HTR1F: variants seen among roughly 807,000 people sequenced by gnomAD.
The protein encoded by HTR1F is 5-hydroxytryptamine receptor 1F.
HTR1F carries 17 observed loss-of-function variants against 24.0 expected under a neutral mutation model. The ratio of observed to expected loss-of-function variants is 0.71; its 90% CI spans 0.48 to 1.06. The LOEUF is 1.06. Ranked by LOEUF, HTR1F falls within the 50% of genes least tolerant of loss-of-function variation. The pLI is 0.00. For synonymous variants in HTR1F, 186 were observed against 156.8 expected (o/e 1.19, Z -1.39); for missense variants, 391 against 427.8 (o/e 0.91, Z 0.76).
chr3:87,831,330 AATTATTATTATTATTATTATT>A (rs58022545), intron 2 of HTR1F, among the ~76,000 whole-genome samples: 17 of 142,406 alleles, frequency 1.2e-4, no homozygotes, highest in South Asian at 6.8e-4. Flanking sequence ...GATATTAAGA[AATTATTATTATTATTATTATT>A]ATTATTATTA....
chr3:87,976,664 CCT>C (rs985269143), intron 2 of HTR1F, among the ~76,000 whole-genome samples: 2 of 152,046 alleles, frequency 1.3e-5, no homozygotes, highest in African/African-American at 4.8e-5. Context: ...TATTGTCACC[CCT>C]GATTTTGAGA....
At chr3:87,962,322 CAG>C (rs1451403681) in intron 2 of HTR1F, among the ~76,000 whole-genome samples, 1 of 152,010 alleles carries the variant, frequency 6.6e-6, no homozygotes, top group East Asian at 1.9e-4. Context: ...TAAAGATTGA[CAG>C]TGTGAAAAAT....
intron 2 of HTR1F, among the ~76,000 whole-genome samples, chr3:87,931,733 T>C (rs1334762266): frequency 6.6e-6 from 1 of 151,870 alleles, no homozygotes; most frequent in African/African-American, 2.4e-5. Flanking sequence ...TTTTAATGAT[T>C]GGCATTCTAA....
chr3:87,881,695 A>C (rs1705805692), intron 2 of HTR1F, among the ~76,000 whole-genome samples: 2 of 152,234 alleles, frequency 1.3e-5, no homozygotes, highest in Admixed American at 1.3e-4. Flanking sequence ...CTTACACCTT[A>C]TACAAAAATC....
At chr3:87,804,071 T>C (rs1359925490) in intron 1 of HTR1F, among the ~76,000 whole-genome samples, 1 of 152,190 alleles carries the variant, frequency 6.6e-6, no homozygotes, top group African/African-American at 2.4e-5. Context: ...TATCCTCCTT[T>C]GATTTCATTT....
At chr3:87,925,949 T>C (rs186166848) in intron 2 of HTR1F, among the ~76,000 whole-genome samples, 10 of 152,302 alleles carry the variant, frequency 6.6e-5, no homozygotes, top group Non-Finnish European at 4.4e-5. Context: ...TGTAGTTATG[T>C]ATTTGTTGTT....
At chr3:87,937,687 G>T (rs768330281) in intron 2 of HTR1F, among the ~76,000 whole-genome samples, 10 of 152,130 alleles carry the variant, frequency 6.6e-5, no homozygotes, top group Non-Finnish European at 1.5e-4. Context: ...ACTTTGGGAG[G>T]ATGAGGCAGG....
At chr3:87,839,761 C>T (rs1216559100) in intron 2 of HTR1F, among the ~76,000 whole-genome samples, 1 of 151,996 alleles carries the variant, frequency 6.6e-6, no homozygotes, top group Admixed American at 6.6e-5. Flanking sequence ...TTTTTCAACT[C>T]TCCCCCATCT....
intron 2 of HTR1F, among the ~76,000 whole-genome samples, chr3:87,848,605 A>G (rs900368353): frequency 7.2e-5 from 11 of 151,912 alleles, no homozygotes; most frequent in Non-Finnish European, 1.3e-4. Context: ...TACAAAAACA[A>G]TAAAATAATC....
intron 2 of HTR1F, among the ~76,000 whole-genome samples, chr3:87,987,337 A>G (rs1559659877): frequency 6.6e-6 from 1 of 151,842 alleles, no homozygotes; most frequent in African/African-American, 2.4e-5. Flanking sequence ...ACCTGTAATC[A>G]TTGACCTTCT....
chr3:87,847,052 T>C (rs1466958697), intron 2 of HTR1F, among the ~76,000 whole-genome samples: 1 of 151,596 alleles, frequency 6.6e-6, no homozygotes, highest in Non-Finnish European at 1.5e-5. Flanking sequence ...AACATTTAAA[T>C]ACAAAATGGG....
intron 2 of HTR1F, among the ~76,000 whole-genome samples, chr3:87,872,509 A>T (rs1360618922): frequency 1.3e-5 from 2 of 152,078 alleles, no homozygotes; most frequent in African/African-American, 4.8e-5. Context: ...AAAGATCAAT[A>T]TATTTGGCAA....
At chr3:87,933,845 A>G (rs143060434) in intron 2 of HTR1F, among the ~76,000 whole-genome samples, 5 of 152,306 alleles carry the variant, frequency 3.3e-5, no homozygotes, top group Admixed American at 6.5e-5. Context: ...GATTAATTCC[A>G]TTCCAGGTTT....
At chr3:87,941,518 C>T (rs140072279) in intron 2 of HTR1F, among the ~76,000 whole-genome samples, 123 of 152,206 alleles carry the variant, frequency 8.1e-4, no homozygotes, top group African/African-American at 2.6e-3. Flanking sequence ...TCTGAACAGG[C>T]GGCTAAAAGT....
At chr3:87,813,932 T>C (rs552254006) in intron 1 of HTR1F, among the ~76,000 whole-genome samples, 2 of 152,286 alleles carry the variant, frequency 1.3e-5, no homozygotes, top group South Asian at 4.1e-4. Context: ...CTTTTTTTTT[T>C]CTTTTTAACA....
At chr3:87,860,537 G>A (rs1373922811) in intron 2 of HTR1F, among the ~76,000 whole-genome samples, 11 of 152,104 alleles carry the variant, frequency 7.2e-5, no homozygotes, top group African/African-American at 1.7e-4. Flanking sequence ...TAGGTTCAAA[G>A]TCATTCTTAG....
intron 1 of HTR1F, among the ~76,000 whole-genome samples, chr3:87,805,941 T>C (rs868485342): frequency 2.6e-5 from 4 of 152,076 alleles, no homozygotes; most frequent in African/African-American, 9.7e-5. Flanking sequence ...TTTGCCCCAT[T>C]TACATGCACA....
At chr3:87,891,653 T>C (rs1290867286) in intron 2 of HTR1F, among the ~76,000 whole-genome samples, 2 of 152,206 alleles carry the variant, frequency 1.3e-5, no homozygotes, top group East Asian at 3.9e-4. Context: ...ACCCTCTTTA[T>C]GTTTTACTTT....
intron 2 of HTR1F, among the ~76,000 whole-genome samples, chr3:87,927,023 G>T (rs1443944544): frequency 6.9e-6 from 1 of 144,118 alleles, no homozygotes; most frequent in African/African-American, 2.7e-5. Flanking sequence ...CTGCTTTGAT[G>T]AAAAGAGAAA....
Sources: gnomAD v4.1 joint callset for allele counts (sites outside exome capture counted in the v4.1 genomes callset) on GRCh38, gnomAD v4.1.1 for gene constraint, MANE v1.5 for transcripts, NCBI Gene and HGNC (gene_info 2026-07-23, HGNC 2026-07-21) for gene names.